Variants in PRKCA observed in about 807,000 individuals in gnomAD.
PRKCA encodes protein kinase C alpha.
A neutral mutation model predicts 87.0 loss-of-function variants in PRKCA; 27 were observed. The ratio of observed to expected loss-of-function variants is 0.31; its 90% CI spans 0.23 to 0.43. The LOEUF (loss-of-function observed/expected upper bound fraction) is 0.43, where lower values mean the gene tolerates loss of function less well. Ranked by LOEUF, PRKCA falls within the 20% of genes least tolerant of loss-of-function variation. The pLI, the probability that PRKCA is intolerant of heterozygous loss-of-function variation, is 1.00. For missense variants in PRKCA, 518 were observed against 852.3 expected (o/e 0.61, Z 4.88); for synonymous variants, 329 against 311.1 (o/e 1.06, Z -0.61).
intron 11 of PRKCA, 79 bp from the exon 12 acceptor site, chr17:66,741,580 A>T: frequency 6.8e-7 from 1 of 1,479,060 alleles, no homozygotes; most frequent in Non-Finnish European, 9.4e-7. Context: ...TCTCTCTTTG[A>T]TGCTTGAATT....
chr17:66,389,942 G>A (rs1458109676), intron 2 of PRKCA, among the ~76,000 whole-genome samples: 1 of 152,226 alleles, frequency 6.6e-6, no homozygotes, highest in Non-Finnish European at 1.5e-5. Flanking sequence ...ATCATGAAGA[G>A]GCCGGGCGCA....
chr17:66,479,995 AC>A (rs1445950302), intron 2 of PRKCA, among the ~76,000 whole-genome samples: 1 of 105,372 alleles, frequency 9.5e-6, no homozygotes, highest in Admixed American at 9.8e-5. Context: ...ATACCCCTGA[AC>A]TTAAAAAAAA....
At chr17:66,551,898 T>A (rs1968346866) in intron 3 of PRKCA, among the ~76,000 whole-genome samples, 1 of 152,140 alleles carries the variant, frequency 6.6e-6, no homozygotes, top group Non-Finnish European at 1.5e-5. Context: ...TTCTGAAAAA[T>A]GTGTAGGATT....
In PRKCA at chr17:66,468,162, AT is replaced by A. The variant is rs1323650755; in HGVS notation, c.206-28035del. ...AAAAAGCACATATTTTCCATTCGAC[AT>A]TTTGGCTTAAAGAAATGAAAACTAC... On this transcript the variant is annotated intron_variant, in intron 2 of 16. Coordinates refer to ENST00000413366, the MANE Select transcript of PRKCA (RefSeq NM_002737.3). 2.6e-5 allele frequency among the ~76,000 whole-genome samples: 4 copies of A among 152,340 alleles called. No homozygotes were observed. In the East Asian group the frequency reaches 7.7e-4, roughly 29 times the overall value.
At chr17:66,389,446 TC>T (rs1910243823) in intron 2 of PRKCA, among the ~76,000 whole-genome samples, 1 of 152,098 alleles carries the variant, frequency 6.6e-6, no homozygotes, top group African/African-American at 2.4e-5. Context: ...CTCAGTAGCC[TC>T]CCCTGCATAA....
intron 11 of PRKCA, 25 bp from the exon 12 acceptor site, chr17:66,741,634 A>G (rs200136891): frequency 6.2e-7 from 1 of 1,613,620 alleles, no homozygotes; most frequent in Non-Finnish European, 8.5e-7. Context: ...CAAGTGAGAA[A>G]CCTGAAGCCC....
In PRKCA at chr17:66,515,271, C is replaced by CAAA. The variant is rs71367172; in HGVS notation, c.288+19004_288+19006dup. Among the ~76,000 whole-genome samples the CAAA allele has an allele frequency of 4.6e-3, 444 of 96,382 alleles. 14 individuals carry two copies. Among genetic ancestry groups the CAAA allele is most frequent in the African/African-American group, 0.012 (290 of 23,946 alleles). The allele number at this position is 96,382 out of a possible 152,430, so 63.2% of individuals were successfully genotyped here. A position where few individuals can be genotyped will look rare whatever the true frequency, so the allele number is the denominator to read the frequency against. On this transcript the variant is annotated intron_variant, in intron 3 of 16. Transcript: ENST00000413366. ...TAGGTGACAGAGCAAGACTCTGTCT[C>CAAA]AAAAAAAAAAAAAAAAAAGAAGGGA...
intron 2 of PRKCA, among the ~76,000 whole-genome samples, chr17:66,431,961 G>T (rs1406444744): frequency 6.6e-6 from 1 of 152,138 alleles, no homozygotes; most frequent in Non-Finnish European, 1.5e-5. Context: ...TTTCAAATCA[G>T]CATTTCCAAA....
intron 2 of PRKCA, among the ~76,000 whole-genome samples, chr17:66,337,356 A>G (rs1370098773): frequency 6.6e-6 from 1 of 152,128 alleles, no homozygotes; most frequent in Non-Finnish European, 1.5e-5. Flanking sequence ...CAAGCAAGGA[A>G]ATCAAGTTTC....
chr17:66,530,477 A>AT lies in PRKCA; in HGVS notation c.288+34195dup, dbSNP rs1409568170. Among the ~76,000 whole-genome samples, 3 of 152,220 alleles carry AT rather than the reference A, an allele frequency of 2.0e-5. No individual in the cohort carries two copies. In the East Asian group the frequency reaches 5.8e-4, roughly 29 times the overall value. ...TCTTTTCAGCTATAGAGATGGCTGG[A>AT]TATCAAAAGCACCACGGGAGCTTTG... On this transcript the variant is annotated intron_variant, in intron 3 of 16. Transcript: ENST00000413366.
chr17:66,709,125 G>A (rs575727145), intron 8 of PRKCA, among the ~76,000 whole-genome samples: 1 of 152,152 alleles, frequency 6.6e-6, no homozygotes, highest in East Asian at 1.9e-4. Context: ...GGGCTGTGAT[G>A]ACCCATTCAG....
intron 2 of PRKCA, among the ~76,000 whole-genome samples, chr17:66,477,425 CG>C (rs1377365068): frequency 1.3e-5 from 2 of 152,082 alleles, no homozygotes; most frequent in Non-Finnish European, 2.9e-5. Context: ...TGTGGCCGAG[CG>C]CGGTGGCTCA....
At chr17:66,709,458 G>GCC (rs1567988300) in intron 8 of PRKCA, among the ~76,000 whole-genome samples, 22 of 151,670 alleles carry the variant, frequency 1.5e-4, no homozygotes, top group Non-Finnish European at 2.5e-4. Context: ...CTACAGGCTT[G>GCC]AGCCACCACA....
At chr17:66,728,796 G>C (rs951617390) in intron 8 of PRKCA, among the ~76,000 whole-genome samples, 1 of 152,172 alleles carries the variant, frequency 6.6e-6, no homozygotes, top group Non-Finnish European at 1.5e-5. Flanking sequence ...GGAGGAAGGC[G>C]GAATGACTGT....
At chr17:66,386,744 A>T (rs8069142) in intron 2 of PRKCA, among the ~76,000 whole-genome samples, 1 of 152,088 alleles carries the variant, frequency 6.6e-6, no homozygotes, top group Non-Finnish European at 1.5e-5. Context: ...CCCTACACAC[A>T]TTATACCAAG....
rs1975562232 is a variant in PRKCA at position 66,792,389 on chromosome 17, C to G, written c.1854+3410C>G. 6.6e-6 allele frequency among the ~76,000 whole-genome samples: 1 copy of G among 152,146 alleles called. No individual in the cohort carries two copies. Among genetic ancestry groups the G allele is most frequent in the African/African-American group, 2.4e-5 (1 of 41,422 alleles). ...TTTATTAATTTTTAAATTTTTTGAA[C>G]CTCCAATGAAAGAGTCTTCCAGAAT... On this transcript the variant is annotated intron_variant, in intron 16 of 16. Transcript: ENST00000413366. The surrounding 1 kb of genome is among the most constrained non-coding windows in gnomAD (Gnocchi z 4.5).
intron 2 of PRKCA, among the ~76,000 whole-genome samples, chr17:66,489,150 A>G (rs981244286): frequency 2.6e-5 from 4 of 151,946 alleles, no homozygotes; most frequent in African/African-American, 9.7e-5. Flanking sequence ...AGCAAAGTCT[A>G]TTATATTTAG....
At chr17:66,693,163 A>G (rs190471050) in intron 8 of PRKCA, among the ~76,000 whole-genome samples, 2 of 152,340 alleles carry the variant, frequency 1.3e-5, no homozygotes, top group Non-Finnish European at 2.9e-5. Flanking sequence ...CAGTGACTGG[A>G]GCTCTTAGGA....
intron 2 of PRKCA, among the ~76,000 whole-genome samples, chr17:66,452,842 T>TGACA (rs1403256749): frequency 6.6e-6 from 1 of 152,190 alleles, no homozygotes; most frequent in East Asian, 1.9e-4. Context: ...CCAGCCTGGA[T>TGACA]GACAGAGCGA....
Sources: gnomAD v4.1 joint callset for allele counts (sites outside exome capture counted in the v4.1 genomes callset) on GRCh38, gnomAD v4.1.1 for gene constraint, Gnocchi (gnomAD v3.1) non-coding constraint, MANE v1.5 for transcripts, NCBI Gene and HGNC (gene_info 2026-07-23, HGNC 2026-07-21) for gene names.